GSK3B: variants seen among roughly 807,000 people sequenced by gnomAD.
GSK3B encodes glycogen synthase kinase 3 beta, also known as glycogen synthase kinase-3 beta.
In GSK3B, 15 loss-of-function variants were observed where a neutral mutation model predicts 56.4. The ratio of observed to expected loss-of-function variants is 0.27; its 90% confidence interval spans 0.18 to 0.41. The LOEUF (loss-of-function observed/expected upper bound fraction) is 0.41, where lower values mean the gene tolerates loss of function less well. GSK3B is among the 10% of genes least tolerant of loss of function. The pLI is 1.00. For synonymous variants in GSK3B, 181 were observed against 188.9 expected, an observed-to-expected ratio of 0.96 and a Z score of 0.34; for missense variants, 300 against 513.4, an observed-to-expected ratio of 0.58 and a Z score of 4.02.
chr3:120,014,843 T>C (rs1432368095), intron 1 of GSK3B, among the ~76,000 whole-genome samples: 1 of 152,178 alleles, frequency 6.6e-6, no homozygotes, highest in Non-Finnish European at 1.5e-5. Context: ...TTATCACTTT[T>C]AGAAATGAAA....
intron 7 of GSK3B, among the ~76,000 whole-genome samples, chr3:119,899,852 G>GT (rs917807389): frequency 5.9e-5 from 9 of 152,054 alleles, no homozygotes; most frequent in African/African-American, 1.9e-4. Context: ...TGTAGAATTT[G>GT]TAGGTCCTTC....
Position 120,093,521 on chromosome 3 carries a change from T to C in GSK3B, c.-87A>G. On this transcript the variant is annotated 5_prime_UTR_variant, in exon 1 of 11. Transcript: ENST00000264235. ...GTTGGGGTGTTAGGTTAACGATAAATGCAGCATTAAGTTCTCCCACAGAAG... is the reference window on the plus strand; with the variant it reads ...GTTGGGGTGTTAGGTTAACGATAAACGCAGCATTAAGTTCTCCCACAGAAG... The C allele has an allele frequency of 3.5e-6, 3 of 848,070 alleles. No homozygotes were observed. The highest frequency in any genetic ancestry group is 6.0e-6 in the Non-Finnish European group (3 of 498,608). The allele number at this position is 848,070 out of a possible 1,614,324, so 52.5% of individuals were successfully genotyped here.
intron 1 of GSK3B, among the ~76,000 whole-genome samples, chr3:120,070,784 G>C (rs1424484821): frequency 2.0e-5 from 3 of 152,146 alleles, no homozygotes; most frequent in Non-Finnish European, 4.4e-5. Context: ...TGTTCCTAAG[G>C]AGTAAAGTCT....
chr3:119,863,549 C>T lies in GSK3B; in HGVS notation c.966G>A (p.Glu322=), dbSNP rs2056137399. 2 of 1,613,788 alleles carry T rather than the reference C, an allele frequency of 1.2e-6. No individual in the cohort carries two copies. The highest frequency in any genetic ancestry group is 1.7e-6 in the Non-Finnish European group (2 of 1,179,690). The change falls in exon 9 of 11, where the codon GAG becomes GAA. Residue 322 remains glutamate, a synonymous_variant. Transcript: ENST00000264235. ...GTGTTAGTCGGGCAGTTGGTGTATA[C>T]TCCAGCAGACGGCTACACAGTGCAA... The part of the protein sequence containing the change: ...EAIALCSRLL[E]YTPTARLTPL...
At chr3:120,033,540 G>A (rs1441490425) in intron 1 of GSK3B, among the ~76,000 whole-genome samples, 2 of 152,110 alleles carry the variant, frequency 1.3e-5, no homozygotes, top group Non-Finnish European at 2.9e-5. Context: ...GTATCTCATG[G>A]TTTTGATTTT....
chr3:120,005,909 C>G (rs1438615022), intron 1 of GSK3B, among the ~76,000 whole-genome samples: 1 of 152,182 alleles, frequency 6.6e-6, no homozygotes, highest in Non-Finnish European at 1.5e-5. Context: ...ATGACAGGAT[C>G]AAATTCACAT....
At chr3:120,004,414 G>T (rs758442038) in intron 1 of GSK3B, among the ~76,000 whole-genome samples, 1 of 152,180 alleles carries the variant, frequency 6.6e-6, no homozygotes, top group Non-Finnish European at 1.5e-5. Context: ...AGACAGCAAT[G>T]GTTCTCCCAG....
intron 9 of GSK3B, among the ~76,000 whole-genome samples, chr3:119,853,364 A>G (rs2055966894): frequency 6.6e-6 from 1 of 152,106 alleles, no homozygotes; most frequent in Non-Finnish European, 1.5e-5. Flanking sequence ...TGCTGCCTCC[A>G]GCTTTGTTCT....
chr3:119,843,567 A>T (rs1235932296), intron 9 of GSK3B: 1 of 228,292 alleles, frequency 4.4e-6, no homozygotes, highest in Non-Finnish European at 8.8e-6. Flanking sequence ...ACATGGTGAA[A>T]CCCCGTCTCT....
chr3:120,075,607 G>T (rs958889979), intron 1 of GSK3B, among the ~76,000 whole-genome samples: 9 of 151,834 alleles, frequency 5.9e-5, no homozygotes, highest in African/African-American at 1.7e-4. Context: ...AGCTGAAAAA[G>T]AAATTAAGAA....
At chr3:119,951,547 GA>G (rs1266559834) in intron 2 of GSK3B, among the ~76,000 whole-genome samples, 1 of 152,134 alleles carries the variant, frequency 6.6e-6, no homozygotes, top group Non-Finnish European at 1.5e-5. Context: ...CTCCAGCCTA[GA>G]AAACAAGCCA....
At chr3:120,062,537 G>T (rs1043290178) in intron 1 of GSK3B, among the ~76,000 whole-genome samples, 2 of 152,158 alleles carry the variant, frequency 1.3e-5, no homozygotes, top group Non-Finnish European at 2.9e-5. Flanking sequence ...CTTAAGAATT[G>T]ACATGAAAAC....
chr3:119,967,622 G>A (rs1467661163), intron 2 of GSK3B, among the ~76,000 whole-genome samples: 2 of 152,140 alleles, frequency 1.3e-5, no homozygotes, highest in Non-Finnish European at 2.9e-5. Context: ...TGACAAGGTT[G>A]TCAACACAAT....
chr3:120,020,530 G>C (rs1441094941), intron 1 of GSK3B, among the ~76,000 whole-genome samples: 2 of 152,086 alleles, frequency 1.3e-5, no homozygotes, highest in Non-Finnish European at 2.9e-5. Flanking sequence ...GGTGATCTGT[G>C]ATCAATGAAG....
rs561433974 is a variant in GSK3B, at chr3:119,895,884, G to A, written c.813+9871C>T. ...CATGCCTGTAATCCCAGCACTTCGG[G>A]AGGCCAAGGTAGGTGGATCACTTCT... On this transcript the variant is annotated intron_variant, in intron 7 of 10. Transcript: ENST00000264235. Among the ~76,000 whole-genome samples, 7 of 152,178 alleles carry A rather than the reference G, an allele frequency of 4.6e-5. No individual in the cohort carries two copies. In the East Asian group the frequency reaches 1.4e-3, roughly 29 times the overall value.
chr3:119,852,723 T>TA (rs1230260254), intron 9 of GSK3B, among the ~76,000 whole-genome samples: 47 of 152,280 alleles, frequency 3.1e-4, no homozygotes, highest in African/African-American at 1.1e-3. Flanking sequence ...AAAATAAACT[T>TA]ATTGGGCATT....
rs1166326626 is a variant in GSK3B, at chr3:119,824,176, CAGAA to C, written c.*2608_*2611del. On this transcript the variant is annotated 3_prime_UTR_variant, in exon 11 of 11. Coordinates refer to ENST00000264235, the MANE Select transcript of GSK3B (RefSeq NM_001146156.2). ...ACAATAAAACTTAAATTTAAAAACA[CAGAA>C]AGAAAATATAATGTACAAGCTTGAA... is the stretch of plus-strand genomic sequence containing the variant. 4.4e-5 allele frequency: 9 copies of C among 204,318 alleles called. No homozygotes were observed. The highest frequency in any genetic ancestry group is 7.0e-5 in the Non-Finnish European group (7 of 99,568). The allele number at this position is 204,318 out of a possible 1,614,324, so 12.7% of individuals were successfully genotyped here. A position where few individuals can be genotyped will look rare whatever the true frequency, so the allele number is the denominator to read the frequency against.
intron 1 of GSK3B, among the ~76,000 whole-genome samples, chr3:120,050,674 A>G (rs1024432827): frequency 6.6e-6 from 1 of 152,160 alleles, no homozygotes; most frequent in Non-Finnish European, 1.5e-5. Context: ...CATTCTGTTT[A>G]GGGGAGGAGA....
chr3:119,896,379 A>C (rs2056563774), intron 7 of GSK3B, among the ~76,000 whole-genome samples: 1 of 152,098 alleles, frequency 6.6e-6, no homozygotes, highest in African/African-American at 2.4e-5. Context: ...TCAAGGAAGC[A>C]GTATAAAATA....
Sources: allele counts gnomAD v4.1 joint callset (sites outside exome capture counted in the v4.1 genomes callset), GRCh38; gene constraint gnomAD v4.1.1; transcripts MANE v1.5; gene names NCBI Gene and HGNC (gene_info 2026-07-23, HGNC 2026-07-21).